Variants in ARMC8 observed in about 807,000 individuals in gnomAD.
ARMC8 encodes the protein armadillo repeat-containing protein 8.
ARMC8 carries 20 observed loss-of-function variants against 99.3 expected under a neutral mutation model. The ratio of observed to expected loss-of-function variants is 0.20; its 90% CI spans 0.14 to 0.29. The LOEUF (loss-of-function observed/expected upper bound fraction) is 0.29. Ranked by LOEUF, ARMC8 falls within the 10% of genes least tolerant of loss-of-function variation. The pLI is 1.00. For synonymous variants in ARMC8, 263 were observed against 278.3 expected, an observed-to-expected ratio of 0.95 and a Z score of 0.55; for missense variants, 569 against 809.5, an observed-to-expected ratio of 0.70 and a Z score of 3.60.
In ARMC8 at chr3:138,237,388, G is replaced by A. The variant is rs1156838635; in HGVS notation, c.685+4G>A. On this transcript the variant is annotated splice_donor_region_variant and intron_variant, in intron 8 of 21. Transcript: ENST00000469044. ...GTATCGATGACCCTGGTAAATGGTA[G>A]GCTGGAGCTTTCAGTGGCACCTACA... 3 of 1,613,068 alleles carry A rather than the reference G, an allele frequency of 1.9e-6. No individual in the cohort carries two copies. The Admixed American group carries it at 5.0e-5, about 27-fold the overall frequency.
intron 6 of ARMC8, among the ~76,000 whole-genome samples, chr3:138,229,234 A>G (rs1293926464): frequency 7.0e-6 from 1 of 143,850 alleles, no homozygotes; most frequent in African/African-American, 2.6e-5. Flanking sequence ...TTTAAAACAC[A>G]AATGACAGCA....
At chr3:138,209,263 T>C (rs1223611921) in intron 1 of ARMC8, among the ~76,000 whole-genome samples, 1 of 152,228 alleles carries the variant, frequency 6.6e-6, no homozygotes, top group African/African-American at 2.4e-5. Context: ...CATATTTGCC[T>C]AGGTCTTCTG....
chr3:138,284,315 A>C, intron 18 of ARMC8, 116 bp from the exon 19 acceptor site: 1 of 725,672 alleles, frequency 1.4e-6, no homozygotes, highest in Non-Finnish European at 2.4e-6. Context: ...GGGCATTGAG[A>C]GTGGAACCTG....
intron 19 of ARMC8, among the ~76,000 whole-genome samples, chr3:138,286,749 A>G (rs191603796): frequency 1.3e-5 from 2 of 152,258 alleles, no homozygotes; most frequent in Non-Finnish European, 1.5e-5. Flanking sequence ...TTGCCTTAGG[A>G]GAATCTCATC....
At chr3:138,253,695 T>A (rs1040899540) in intron 12 of ARMC8, among the ~76,000 whole-genome samples, 2 of 152,220 alleles carry the variant, frequency 1.3e-5, no homozygotes, top group Non-Finnish European at 2.9e-5. Context: ...GATGCTTTAA[T>A]CCATCTGTAC....
rs2048206545 is a variant in ARMC8 at position 138,265,658 on chromosome 3, A to G, written c.1299+1446A>G. ...AGGAGGATTTTCTGGGGAGCAGAATAGCATGAGGAGAAACATTATGTATGG... is the reference window on the plus strand; with the variant it reads ...AGGAGGATTTTCTGGGGAGCAGAATGGCATGAGGAGAAACATTATGTATGG... On this transcript the variant is annotated intron_variant, in intron 14 of 21. Coordinates refer to ENST00000469044, the MANE Select transcript of ARMC8 (RefSeq NM_001363941.2). Among the ~76,000 whole-genome samples, 3 of 152,236 alleles carry G rather than the reference A, an allele frequency of 2.0e-5. No homozygotes were observed. In the South Asian group the frequency reaches 6.2e-4, roughly 31 times the overall value.
At chr3:138,287,317 TC>T (rs1319555088) in intron 19 of ARMC8, among the ~76,000 whole-genome samples, 1 of 152,124 alleles carries the variant, frequency 6.6e-6, no homozygotes, top group East Asian at 1.9e-4. Context: ...GAACTTTTTC[TC>T]CTGCTTGGAA....
chr3:138,231,921 T>C (rs1424673682), intron 6 of ARMC8, among the ~76,000 whole-genome samples: 1 of 142,798 alleles, frequency 7.0e-6, no homozygotes, highest in African/African-American at 2.5e-5. Context: ...CAGATCCTCC[T>C]CACTAGTTGG....
chr3:138,267,717 A>G (rs1240740702), intron 15 of ARMC8, among the ~76,000 whole-genome samples: 2 of 152,168 alleles, frequency 1.3e-5, no homozygotes, highest in South Asian at 4.1e-4. Context: ...TCTGCATTTT[A>G]TAAAATATTT....
intron 6 of ARMC8, among the ~76,000 whole-genome samples, chr3:138,232,477 TAGAA>T (rs1166748559): frequency 6.6e-6 from 1 of 152,116 alleles, no homozygotes; most frequent in Admixed American, 6.6e-5. Context: ...AAATATAACT[TAGAA>T]AGAATATGCC....
chr3:138,188,544 TG>T, intron 1 of ARMC8: 3 of 1,614,064 alleles, frequency 1.9e-6, no homozygotes, highest in Non-Finnish European at 2.5e-6. Context: ...AGTTTACCAA[TG>T]GTTCATTTGC....
chr3:138,193,830 A>T (rs893913997), intron 1 of ARMC8, among the ~76,000 whole-genome samples: 4 of 152,218 alleles, frequency 2.6e-5, no homozygotes, highest in Non-Finnish European at 4.4e-5. Flanking sequence ...ATTACTTATT[A>T]AAAAATTGAT....
chr3:138,194,495 A>G, intron 1 of ARMC8, among the ~76,000 whole-genome samples: 1 of 141,906 alleles, frequency 7.0e-6, no homozygotes, highest in Admixed American at 7.2e-5. Flanking sequence ...CTGCCACCAC[A>G]CCCAGCTAAT....
At chr3:138,194,590 G>A (rs539830057) in intron 1 of ARMC8, among the ~76,000 whole-genome samples, 4 of 151,788 alleles carry the variant, frequency 2.6e-5, no homozygotes, top group Non-Finnish European at 5.9e-5. Flanking sequence ...TGCCCACCTT[G>A]GCCTCCCAAA....
chr3:138,257,954 C>T (rs559532199), intron 12 of ARMC8, among the ~76,000 whole-genome samples: 4 of 152,142 alleles, frequency 2.6e-5, no homozygotes, highest in Non-Finnish European at 5.9e-5. Context: ...TAAATGACTG[C>T]GGCTTGTGAT....
intron 12 of ARMC8, among the ~76,000 whole-genome samples, chr3:138,252,573 C>T (rs1461496711): frequency 2.6e-5 from 4 of 151,720 alleles, no homozygotes; most frequent in Non-Finnish European, 5.9e-5. Flanking sequence ...CCTGCCTCAG[C>T]CTCCCAAGTA....
rs2047613069 is a variant in ARMC8, at chr3:138,260,032, C to T, written c.1135-3707C>T. ...TTAAATTATGTTTGCTTATTCAATACTGTGAGTTTGGTAGAAGCAAGGGCT... is the reference window on the plus strand; with the variant it reads ...TTAAATTATGTTTGCTTATTCAATATTGTGAGTTTGGTAGAAGCAAGGGCT... On this transcript the variant is annotated intron_variant, in intron 12 of 21. Coordinates refer to ENST00000469044, the MANE Select transcript of ARMC8 (RefSeq NM_001363941.2). Among the ~76,000 whole-genome samples, 3 of 152,234 alleles carry T rather than the reference C, an allele frequency of 2.0e-5. No individual in the cohort carries two copies. In the South Asian group the frequency reaches 6.2e-4, roughly 31 times the overall value.
chr3:138,255,999 A>G (rs1267625421), intron 12 of ARMC8, among the ~76,000 whole-genome samples: 4 of 152,212 alleles, frequency 2.6e-5, no homozygotes, highest in African/African-American at 9.6e-5. Context: ...GAAGAAAGAA[A>G]CAAAACAAAA....
chr3:138,187,631 C>G (rs2043135451), intron 1 of ARMC8, 32 bp downstream of exon 1: 9 of 1,534,686 alleles, frequency 5.9e-6, no homozygotes, highest in Non-Finnish European at 7.9e-6. Context: ...CCCGCCCGCC[C>G]TCCAGGAAGC....
Sources: allele counts gnomAD v4.1 joint callset (sites outside exome capture counted in the v4.1 genomes callset), GRCh38; gene constraint gnomAD v4.1.1; transcripts MANE v1.5; gene names NCBI Gene and HGNC (gene_info 2026-07-23, HGNC 2026-07-21).